KNTC1: variants seen among roughly 807,000 people sequenced by gnomAD.
KNTC1 encodes the protein kinetochore associated 1.
KNTC1 carries 253 observed loss-of-function variants against 314.4 expected under a neutral mutation model. The observed-to-expected ratio is 0.80, with a 90% CI of 0.73 to 0.89. KNTC1 has a LOEUF of 0.89. KNTC1 is among the 40% of genes least tolerant of loss of function. The pLI, the probability that KNTC1 is intolerant of heterozygous loss-of-function variation, is 0.00. For missense variants in KNTC1, 2,475 were observed against 2,572.9 expected, an observed-to-expected ratio of 0.96 and a Z score of 0.82; for synonymous variants, 901 against 901.4, an observed-to-expected ratio of 1.00 and a Z score of 0.01.
At position 122,530,150 on chromosome 12, in the gene KNTC1, T is replaced by C; in HGVS notation, c.87T>C (p.Ala29=). 1.2e-6 allele frequency: 2 copies of C among 1,613,622 alleles called. No individual in the cohort carries two copies. Among genetic ancestry groups the C allele is most frequent in the South Asian group, 1.1e-5 (1 of 91,062 alleles). The change falls in exon 2 of 64, where the codon GCT becomes GCC. Residue 29 remains alanine (A), a synonymous_variant. Coordinates refer to ENST00000333479, the MANE Select transcript of KNTC1 (RefSeq NM_014708.6). ...GTTCAAGAAAAGAACATGGAACTGC[T>C]TTATATCAAGTAGATTTGCTAGTGA... is the stretch of plus-strand genomic sequence containing the variant. ...SVGSRKEHGT[A]LYQVDLLVKI...
chr12:122,605,677 C>G (rs1433329159), intron 51 of KNTC1, among the ~76,000 whole-genome samples: 1 of 152,148 alleles, frequency 6.6e-6, no homozygotes, highest in Non-Finnish European at 1.5e-5. Context: ...TCCCGAGTAG[C>G]TGGGATTACA....
At position 122,539,720 on chromosome 12, in the gene KNTC1, G is replaced by C; in HGVS notation, c.411G>C (p.Gln137His). 2.5e-6 allele frequency: 4 copies of C among 1,581,156 alleles called. No homozygotes were observed. Among genetic ancestry groups the C allele is most frequent in the Non-Finnish European group, 3.4e-6 (4 of 1,163,110 alleles). The change falls in exon 5 of 64, where the codon CAG becomes CAC. Residue 137 changes from glutamine (Q) to histidine (H), a missense_variant. Physicochemically the swap from Gln to His is conservative, Grantham distance 24 (BLOSUM62 0). Transcript: ENST00000333479. Reference protein sequence around the residue: ...KANDENRRTYQNLVIEKDGSN... With the variant: ...KANDENRRTYHNLVIEKDGSN... ...ACGATGAAAATCGGCGGACTTACCA[G>C]AATCTTGTCATTGAGAAGGATGGTT...
At chr12:122,566,758 G>GTTTTTTT (rs35657504) in intron 20 of KNTC1, among the ~76,000 whole-genome samples, 2 of 92,400 alleles carry the variant, frequency 2.2e-5, no homozygotes, top group African/African-American at 4.4e-5. Flanking sequence ...GTCCAGGCTG[G>GTTTTTTT]TTTTTTTTTT....
At chr12:122,573,544 C>T (rs1309115889) in intron 26 of KNTC1, among the ~76,000 whole-genome samples, 1 of 152,124 alleles carries the variant, frequency 6.6e-6, no homozygotes, top group Non-Finnish European at 1.5e-5. Context: ...TGAGGATACA[C>T]CCATGACACA....
Position 122,590,753 on chromosome 12 carries a change from A to G in KNTC1, c.4128+18A>G. 6.2e-7 allele frequency: 1 copy of G among 1,604,560 alleles called. No homozygotes were observed. Among genetic ancestry groups the G allele is most frequent in the Non-Finnish European group, 8.5e-7 (1 of 1,174,970 alleles). On this transcript the variant is annotated intron_variant, in intron 41 of 63. Transcript: ENST00000333479. ...AAATCTTGGTATGTCCTAAGGAAGC[A>G]CACCTTCAATTCTTGAAGTATTCAA... is the stretch of plus-strand genomic sequence containing the variant.
At chr12:122,584,866 T>C in intron 35 of KNTC1, 27 bp from the exon 36 acceptor site, 1 of 1,129,800 alleles carries the variant, frequency 8.9e-7, no homozygotes, top group Non-Finnish European at 1.3e-6. Flanking sequence ...AATATGAGTT[T>C]AATGATTTTT....
At chr12:122,613,840 TTTGTTG>T in intron 55 of KNTC1, 79 bp downstream of exon 55, 1 of 1,401,506 alleles carries the variant, frequency 7.1e-7, no homozygotes, top group South Asian at 1.6e-5. Flanking sequence ...GAACAGTCTT[TTTGTTG>T]TTGTTGTTGT....
chr12:122,544,012 G>GCAC (rs1021380137), intron 7 of KNTC1, 147 bp from the exon 8 acceptor site: 2 of 445,702 alleles, frequency 4.5e-6, no homozygotes, highest in African/African-American at 4.3e-5. Context: ...TTGCGCCATT[G>GCAC]CACTCTAGCC....
chr12:122,608,789 A>G (rs1426802303), intron 51 of KNTC1, among the ~76,000 whole-genome samples: 1 of 152,210 alleles, frequency 6.6e-6, no homozygotes, highest in African/African-American at 2.4e-5. Context: ...TGGGCAAGGT[A>G]GCTCATGACT....
chr12:122,550,462 T>C (rs1489368557), intron 13 of KNTC1, among the ~76,000 whole-genome samples: 1 of 152,152 alleles, frequency 6.6e-6, no homozygotes, highest in Non-Finnish European at 1.5e-5. Flanking sequence ...TCTTATGATC[T>C]AATCAAGAAT....
At chr12:122,621,643 A>T (rs930559629) in intron 60 of KNTC1, among the ~76,000 whole-genome samples, 1 of 152,182 alleles carries the variant, frequency 6.6e-6, no homozygotes, top group Admixed American at 6.5e-5. Flanking sequence ...CTGAACATGC[A>T]TATTTTTTAT....
intron 43 of KNTC1, among the ~76,000 whole-genome samples, chr12:122,595,453 A>G (rs904461098): frequency 4.6e-5 from 7 of 152,240 alleles, no homozygotes; most frequent in African/African-American, 1.7e-4. Flanking sequence ...TATGGGTGCT[A>G]TAACCTCCAT....
intron 22 of KNTC1, among the ~76,000 whole-genome samples, chr12:122,570,196 G>A (rs1593570443): frequency 6.6e-6 from 1 of 151,992 alleles, no homozygotes; most frequent in Non-Finnish European, 1.5e-5. Flanking sequence ...GAGAGGTGGG[G>A]ATGGTTAATG....
intron 16 of KNTC1, among the ~76,000 whole-genome samples, chr12:122,553,052 G>C (rs370408755): frequency 6.6e-6 from 1 of 152,000 alleles, no homozygotes; most frequent in African/African-American, 2.4e-5. Flanking sequence ...ACCTACTCGG[G>C]AGGCTGAAGC....
At chr12:122,549,125 G>A (rs1234210306) in intron 12 of KNTC1, among the ~76,000 whole-genome samples, 1 of 151,900 alleles carries the variant, frequency 6.6e-6, no homozygotes, top group African/African-American at 2.4e-5. Flanking sequence ...GTGCAATCTC[G>A]GCTCACTGCA....
At position 122,597,835 on chromosome 12, in the gene KNTC1, C is replaced by T. The variant is rs1163059327; in HGVS notation, c.4460C>T (p.Ala1487Val). The T allele has an allele frequency of 1.2e-6, 2 of 1,613,906 alleles. No individual in the cohort carries two copies. Among genetic ancestry groups the T allele is most frequent in the East Asian group, 4.5e-5 (2 of 44,892 alleles). ...CAGGGAGATGCAAGCATGGACTCTG[C>T]AAAGCGGCGGCATCCCAAACTCCTG... The part of the protein sequence containing the change: ...QGQGDASMDS[A>V]KRRHPKLLAK... Residue 1487 changes from alanine to valine, a missense_variant, in exon 44 of 64, where the codon GCA (alanine) becomes GTA (valine). Ala to Val is a moderately conservative substitution (Grantham distance 64). Coordinates refer to ENST00000333479, the MANE Select transcript of KNTC1 (RefSeq NM_014708.6).
At chr12:122,537,607 G>T (rs1257756942) in intron 3 of KNTC1, among the ~76,000 whole-genome samples, 1 of 151,668 alleles carries the variant, frequency 6.6e-6, no homozygotes, top group Non-Finnish European at 1.5e-5. Context: ...TAGTAGAGAC[G>T]GAGTTTCACC....
Position 122,527,315 on chromosome 12 carries a change from A to G in KNTC1, c.-110A>G, listed in dbSNP as rs577392947. 2.1e-5 allele frequency: 4 copies of G among 190,552 alleles called. No homozygotes were observed. The East Asian group carries it at 4.8e-4, about 23-fold the overall frequency. The allele number at this position is 190,552 out of a possible 1,614,324, so 11.8% of individuals were successfully genotyped here. ...TGTGTGAGTCAGGAAGAGGGGCCAG[A>G]TATCTGAGTGTTCCTCTTTAGTTTC... On this transcript the variant is annotated 5_prime_UTR_variant, in exon 1 of 64. Transcript: ENST00000333479.
At chr12:122,563,964 CATT>C (rs775124675) in intron 20 of KNTC1, among the ~76,000 whole-genome samples, 8 of 152,080 alleles carry the variant, frequency 5.3e-5, no homozygotes, top group Non-Finnish European at 1.0e-4. Context: ...TTTGGAAAAA[CATT>C]ATGGTTCAAT....
Sources: gnomAD v4.1 joint callset for allele counts (sites outside exome capture counted in the v4.1 genomes callset) on GRCh38, gnomAD v4.1.1 for gene constraint, MANE v1.5 for transcripts, NCBI Gene and HGNC (gene_info 2026-07-23, HGNC 2026-07-21) for gene names.